Variants in PLCB4 observed in about 807,000 individuals in gnomAD.
PLCB4 encodes the protein 1-phosphatidylinositol 4,5-bisphosphate phosphodiesterase beta-4.
In PLCB4, 77 loss-of-function variants were observed where a neutral mutation model predicts 178.8. That is an observed-to-expected ratio of 0.43 (90% CI 0.36 to 0.52). The LOEUF (loss-of-function observed/expected upper bound fraction) is 0.52. Ranked by LOEUF, PLCB4 falls within the 20% of genes least tolerant of loss-of-function variation. The pLI is 0.00. For synonymous variants in PLCB4, 496 were observed against 490.8 expected (o/e 1.01, Z -0.14); for missense variants, 1,024 against 1,453.4 (o/e 0.70, Z 4.80).
chr20:9,227,515 G>A (rs954462488), intron 3 of PLCB4, among the ~76,000 whole-genome samples: 1 of 152,058 alleles, frequency 6.6e-6, no homozygotes, highest in Non-Finnish European at 1.5e-5. Context: ...TGAGGTAGGG[G>A]TCTAATTTCA....
chr20:9,224,115 C>G (rs2093833809), intron 3 of PLCB4, among the ~76,000 whole-genome samples: 1 of 152,182 alleles, frequency 6.6e-6, no homozygotes, highest in Middle Eastern at 3.2e-3. Flanking sequence ...GAGTTCAACT[C>G]TCAGAGACAG....
intron 9 of PLCB4, among the ~76,000 whole-genome samples, chr20:9,368,091 A>G (rs540822194): frequency 6.6e-5 from 10 of 152,326 alleles, no homozygotes; most frequent in Admixed American, 2.6e-4. Flanking sequence ...TTAAAATGTT[A>G]TTCACTATCA....
chr20:9,218,898 C>T, intron 3 of PLCB4, among the ~76,000 whole-genome samples: 1 of 152,174 alleles, frequency 6.6e-6, no homozygotes, highest in East Asian at 1.9e-4. Context: ...GACTTTAAAT[C>T]AGTGTGGACA....
intron 3 of PLCB4, among the ~76,000 whole-genome samples, chr20:9,240,280 A>AT (rs1283476388): frequency 1.3e-5 from 2 of 151,898 alleles, no homozygotes; most frequent in Admixed American, 6.6e-5. Flanking sequence ...AGGCCGAAGA[A>AT]TTTTTTTTAT....
intron 2 of PLCB4, among the ~76,000 whole-genome samples, chr20:9,186,097 G>A (rs1223169193): frequency 6.6e-6 from 1 of 152,124 alleles, no homozygotes; most frequent in Non-Finnish European, 1.5e-5. Context: ...TCATAGTAGT[G>A]ATTCAGTAAA....
At chr20:9,227,822 G>A (rs1383159390) in intron 3 of PLCB4, among the ~76,000 whole-genome samples, 1 of 152,072 alleles carries the variant, frequency 6.6e-6, no homozygotes, top group Non-Finnish European at 1.5e-5. Flanking sequence ...CTTGAAGGAA[G>A]AGTTTTATTT....
At chr20:9,341,630 G>A (rs1036072834) in intron 7 of PLCB4, among the ~76,000 whole-genome samples, 7 of 151,852 alleles carry the variant, frequency 4.6e-5, no homozygotes, top group Non-Finnish European at 1.0e-4. Flanking sequence ...GGAGGTGGAA[G>A]TGGAGTCAGG....
intron 3 of PLCB4, among the ~76,000 whole-genome samples, chr20:9,278,769 G>A (rs1053294109): frequency 6.6e-6 from 1 of 152,036 alleles, no homozygotes; most frequent in African/African-American, 2.4e-5. Context: ...AGTACATGAT[G>A]GCAGCCGACA....
intron 36 of PLCB4, 88 bp downstream of exon 36, chr20:9,468,760 A>G (rs929775401): frequency 6.5e-5 from 45 of 693,074 alleles, no homozygotes; most frequent in Non-Finnish European, 9.7e-5. Flanking sequence ...CACACACACA[A>G]CTGAGACAGC....
chr20:9,355,793 G>A (rs1333692165), intron 7 of PLCB4, among the ~76,000 whole-genome samples: 2 of 151,936 alleles, frequency 1.3e-5, no homozygotes, highest in African/African-American at 4.8e-5. Flanking sequence ...ATGATTTATA[G>A]TCCTTTGGGT....
chr20:9,459,884 G>A, intron 35 of PLCB4, 74 bp downstream of exon 35: 8 of 957,206 alleles, frequency 8.4e-6, no homozygotes, highest in Non-Finnish European at 1.3e-5. Context: ...GTATAAGAGA[G>A]CCAAGGTAAT....
intron 1 of PLCB4, among the ~76,000 whole-genome samples, chr20:9,085,108 G>T (rs1384891013): frequency 6.6e-6 from 1 of 151,492 alleles, no homozygotes; most frequent in Non-Finnish European, 1.5e-5. Flanking sequence ...TATTACTTGA[G>T]TGAGCTTTTT....
intron 30 of PLCB4, among the ~76,000 whole-genome samples, chr20:9,438,369 A>C (rs866100785): frequency 0.02 from 2,944 of 149,882 alleles, 79 homozygotes; most frequent in African/African-American, 0.069. Flanking sequence ...ATATCTTAAA[A>C]AAAAAAAAAA....
Position 9,384,229 on chromosome 20 carries a change from A to G in PLCB4, c.882A>G (p.Arg294=). The G allele has an allele frequency of 6.2e-7, 1 of 1,614,112 alleles. No homozygotes were observed. The highest frequency in any genetic ancestry group is 8.5e-7 in the Non-Finnish European group (1 of 1,179,926). ...TTATATCAAGTGATGGGTTTTGCAG[A>G]TATCTGATGTCAGATGAAAACGCCC... The part of the protein sequence containing the change: ...KGLISSDGFC[R]YLMSDENAPV... Residue 294 remains arginine, a synonymous_variant, in exon 14 of 40, where the codon AGA becomes AGG. Coordinates refer to ENST00000378473, the MANE Select transcript of PLCB4 (RefSeq NM_001377142.1).
chr20:9,299,035 G>A (rs1233468194), intron 3 of PLCB4, among the ~76,000 whole-genome samples: 4 of 152,026 alleles, frequency 2.6e-5, no homozygotes, highest in East Asian at 1.9e-4. Flanking sequence ...TTCAGTTAAC[G>A]TTCATTTTAG....
At chr20:9,424,447 C>T in intron 28 of PLCB4, among the ~76,000 whole-genome samples, 1 of 152,188 alleles carries the variant, frequency 6.6e-6, no homozygotes, top group East Asian at 1.9e-4. Context: ...GAATCCAAAG[C>T]TAGATTAAGT....
intron 12 of PLCB4, among the ~76,000 whole-genome samples, chr20:9,374,376 T>C (rs1009091538): frequency 6.6e-6 from 1 of 152,242 alleles, no homozygotes; most frequent in Non-Finnish European, 1.5e-5. Flanking sequence ...CACGTTCTTA[T>C]GCCACAGCTG....
intron 17 of PLCB4, 151 bp downstream of exon 17, chr20:9,390,766 G>A: frequency 2.0e-6 from 1 of 491,538 alleles, no homozygotes; most frequent in Non-Finnish European, 3.6e-6. Flanking sequence ...GCTTCAGAGG[G>A]ATGTAAAGAG....
Position 9,420,800 on chromosome 20 carries a change from T to G in PLCB4, c.2155-497T>G, listed in dbSNP as rs6056606. Among the ~76,000 whole-genome samples, 916 of 152,338 alleles carry G rather than the reference T, an allele frequency of 6.0e-3. 7 individuals carry two copies. Among genetic ancestry groups the G allele is most frequent in the African/African-American group, 0.021 (872 of 41,584 alleles). On this transcript the variant is annotated intron_variant, in intron 26 of 39. Transcript: ENST00000378473. ...CTCCATAGCTTTATCGTAGATAGACTAACATTATAAAACTGTCCTAGCTGA... is the reference window on the plus strand; with the variant it reads ...CTCCATAGCTTTATCGTAGATAGACGAACATTATAAAACTGTCCTAGCTGA...
Sources: allele counts gnomAD v4.1 joint callset (sites outside exome capture counted in the v4.1 genomes callset), GRCh38; gene constraint gnomAD v4.1.1; transcripts MANE v1.5; gene names NCBI Gene and HGNC (gene_info 2026-07-23, HGNC 2026-07-21).